The following SPAG17 variants were observed in gnomAD, a reference collection of about 807,000 sequenced individuals.
SPAG17 encodes sperm-associated antigen 17.
SPAG17 carries 169 observed loss-of-function variants against 273.6 expected under a neutral mutation model. That is an observed-to-expected ratio of 0.62 (90% CI 0.55 to 0.70). The LOEUF is 0.70. Ranked by LOEUF, SPAG17 falls within the 30% of genes least tolerant of loss-of-function variation. The probability of loss-of-function intolerance (pLI) is 0.00; values close to 1 mark genes in which losing one functional copy is unlikely to be tolerated. For missense variants in SPAG17, 2,557 were observed against 2,627.8 expected, an observed-to-expected ratio of 0.97 and a Z score of 0.59; for synonymous variants, 825 against 873.2, an observed-to-expected ratio of 0.94 and a Z score of 0.97.
In SPAG17 at chr1:118,095,064, T is replaced by C. The variant is rs965660996; in HGVS notation, c.1012-1747A>G. 4.6e-5 allele frequency among the ~76,000 whole-genome samples: 7 copies of C among 152,348 alleles called. No homozygotes were observed. The East Asian group carries it at 1.2e-3, about 25-fold the overall frequency. On this transcript the variant is annotated intron_variant, in intron 7 of 48. Coordinates refer to ENST00000336338, the MANE Select transcript of SPAG17 (RefSeq NM_206996.4). Reference sequence around the variant, plus strand: ...GAAGTCAGGAATGTTCTACCATAACTAGACTGGTAATATTTTTCCACATAA... The same window carrying C: ...GAAGTCAGGAATGTTCTACCATAACCAGACTGGTAATATTTTTCCACATAA...
chr1:118,128,893 G>T (rs1657895250), intron 3 of SPAG17, among the ~76,000 whole-genome samples: 1 of 152,098 alleles, frequency 6.6e-6, no homozygotes. Context: ...CCATGGGTGG[G>T]CCCCTTCACA....
intron 20 of SPAG17, among the ~76,000 whole-genome samples, chr1:118,045,126 C>T (rs1383552994): frequency 1.3e-5 from 2 of 152,120 alleles, no homozygotes; most frequent in African/African-American, 4.8e-5. Flanking sequence ...TAATAAGAAA[C>T]AGATATTTGG....
At chr1:118,039,542 C>T (rs532410632) in intron 22 of SPAG17, 98 bp from the exon 23 acceptor site, 25 of 1,277,418 alleles carry the variant, frequency 2.0e-5, no homozygotes, top group East Asian at 7.1e-5. Flanking sequence ...AACAAACACA[C>T]GAACAGAAAA....
chr1:118,073,421 T>G (rs1430995512), intron 17 of SPAG17, among the ~76,000 whole-genome samples: 2 of 152,212 alleles, frequency 1.3e-5, no homozygotes, highest in Non-Finnish European at 2.9e-5. Context: ...AAGTGCTCAA[T>G]GAATGTTGGC....
chr1:118,084,632 C>T (rs1014912687), intron 13 of SPAG17, among the ~76,000 whole-genome samples: 6 of 152,198 alleles, frequency 3.9e-5, no homozygotes, highest in Non-Finnish European at 8.8e-5. Flanking sequence ...GAGTCAACTC[C>T]TGCTCAGCAA....
chr1:118,121,664 T>C (rs1657427811), intron 3 of SPAG17, among the ~76,000 whole-genome samples: 1 of 152,062 alleles, frequency 6.6e-6, no homozygotes, highest in South Asian at 2.1e-4. Flanking sequence ...TGTGAAAAAA[T>C]TGTCTTCCAC....
At chr1:118,045,269 C>A (rs985951610) in intron 20 of SPAG17, among the ~76,000 whole-genome samples, 1 of 152,138 alleles carries the variant, frequency 6.6e-6, no homozygotes, top group African/African-American at 2.4e-5. Context: ...CCAGAAAGAC[C>A]AAACCTTAAT....
At chr1:118,061,116 G>T (rs1652245786) in intron 18 of SPAG17, among the ~76,000 whole-genome samples, 2 of 152,122 alleles carry the variant, frequency 1.3e-5, no homozygotes, top group Admixed American at 6.5e-5. Context: ...AATGTAGAAA[G>T]GTGCAGCCAC....
chr1:118,092,675 C>T (rs1026295047), intron 8 of SPAG17, among the ~76,000 whole-genome samples: 3 of 152,180 alleles, frequency 2.0e-5, no homozygotes, highest in African/African-American at 7.2e-5. Context: ...TTGCTCTACT[C>T]CTGTTTAGAT....
chr1:118,017,110 T>A (rs1310273164), intron 28 of SPAG17, among the ~76,000 whole-genome samples: 1 of 152,218 alleles, frequency 6.6e-6, no homozygotes, highest in Non-Finnish European at 1.5e-5. Flanking sequence ...CAAAGGCAGA[T>A]AAATCAGGTT....
chr1:118,165,645 C>CTTTT (rs5777341), intron 1 of SPAG17, among the ~76,000 whole-genome samples: 22 of 108,342 alleles, frequency 2.0e-4, no homozygotes, highest in African/African-American at 5.8e-4. Context: ...AAAAAACTTT[C>CTTTT]TTTTTTTTTT....
At chr1:118,040,982 T>C (rs1008031415) in intron 21 of SPAG17, 141 bp from the exon 22 acceptor site, 1 of 657,634 alleles carries the variant, frequency 1.5e-6, no homozygotes, top group Non-Finnish European at 2.7e-6. Flanking sequence ...CAGAGGCCAG[T>C]GTTCATATTA....
At position 118,036,134 on chromosome 1, in the gene SPAG17, G is replaced by A. The variant is rs190118940; in HGVS notation, c.3433+636C>T. On this transcript the variant is annotated intron_variant, in intron 24 of 48. Coordinates refer to ENST00000336338, the MANE Select transcript of SPAG17 (RefSeq NM_206996.4). ...GCTCAGGAGTTTGAGGCTGCTGTGA[G>A]GCATGATTGTGCCACTGCACTCCAG... 5.9e-5 allele frequency among the ~76,000 whole-genome samples: 9 copies of A among 152,198 alleles called. No individual in the cohort carries two copies. The East Asian group carries it at 1.5e-3, about 26-fold the overall frequency.
At chr1:118,074,400 T>A (rs1040063674) in intron 16 of SPAG17, 139 bp downstream of exon 16, 20 of 757,246 alleles carry the variant, frequency 2.6e-5, no homozygotes, top group African/African-American at 2.4e-4. Flanking sequence ...TCTGGGGATG[T>A]CCGAATAGTT....
intron 31 of SPAG17, among the ~76,000 whole-genome samples, chr1:118,007,620 C>T (rs981090894): frequency 1.3e-4 from 20 of 152,150 alleles, no homozygotes; most frequent in Admixed American, 6.5e-5. Context: ...TCTTGTGCTG[C>T]TAGGACTTTG....
At chr1:118,036,698 G>T in intron 24 of SPAG17, 72 bp downstream of exon 24, 3 of 962,782 alleles carry the variant, frequency 3.1e-6, no homozygotes, top group South Asian at 1.5e-5. Context: ...CAAGTGAGCA[G>T]ACTGAGAATG....
intron 43 of SPAG17, among the ~76,000 whole-genome samples, chr1:117,973,805 T>G (rs1379977945): frequency 6.6e-6 from 1 of 152,120 alleles, no homozygotes; most frequent in Non-Finnish European, 1.5e-5. Context: ...GATAGGACAT[T>G]TTTCAGCCTG....
intron 43 of SPAG17, among the ~76,000 whole-genome samples, 191 bp downstream of exon 43, chr1:117,981,079 T>C (rs1471927859): frequency 6.6e-6 from 1 of 152,248 alleles, no homozygotes; most frequent in African/African-American, 2.4e-5. Context: ...CTTGCAGTCA[T>C]TCTCAAAAAT....
chr1:118,125,887 C>T lies in SPAG17; in HGVS notation c.316-10446G>A, dbSNP rs374834780. Among the ~76,000 whole-genome samples, 5 of 151,984 alleles carry T rather than the reference C, an allele frequency of 3.3e-5. No homozygotes were observed. In the East Asian group the frequency reaches 7.7e-4, roughly 23 times the overall value. ...GGTTTCTTTTCCTTTGGATAAATAC[C>T]TAATAGGGGAATGGTGGATCATATA... On this transcript the variant is annotated intron_variant, in intron 3 of 48. Coordinates refer to ENST00000336338, the MANE Select transcript of SPAG17 (RefSeq NM_206996.4).
Sources: gnomAD v4.1 joint callset for allele counts (sites outside exome capture counted in the v4.1 genomes callset) on GRCh38, gnomAD v4.1.1 for gene constraint, MANE v1.5 for transcripts, NCBI Gene and HGNC (gene_info 2026-07-23, HGNC 2026-07-21) for gene names.